The following SH3BP2 variants were observed in gnomAD, a reference collection of about 807,000 sequenced individuals.
SH3BP2 encodes the protein SH3 domain binding protein 2.
In SH3BP2, 38 loss-of-function variants were observed where a neutral mutation model predicts 56.2. The observed-to-expected ratio is 0.68, with a 90% CI of 0.52 to 0.89. SH3BP2 has a LOEUF of 0.89. Ranked by LOEUF, SH3BP2 falls within the 40% of genes least tolerant of loss-of-function variation. SH3BP2 has a pLI of 0.00. For synonymous variants in SH3BP2, 346 were observed against 316.7 expected (o/e 1.09, Z -0.98); for missense variants, 748 against 762.6 (o/e 0.98, Z 0.23).
intron 2 of SH3BP2, 52 bp from the exon 3 acceptor site, chr4:2,822,883 C>G: frequency 6.9e-7 from 1 of 1,439,416 alleles, no homozygotes; most frequent in South Asian, 1.2e-5. Flanking sequence ...CACAGTGGGT[C>G]TTGGCAGCTG....
In SH3BP2 at chr4:2,831,544, C is replaced by T. The variant is rs759888641; in HGVS notation, c.1242-27C>T. The T allele has an allele frequency of 1.0e-5, 16 of 1,527,726 alleles. No individual in the cohort carries two copies. The highest frequency in any genetic ancestry group is 1.2e-5 in the Non-Finnish European group (14 of 1,123,944). 94.6% of individuals were successfully genotyped at this position (1,527,726 alleles called of 1,614,324 possible). On this transcript the variant is annotated intron_variant, in intron 8 of 12. Coordinates refer to ENST00000503393, the MANE Select transcript of SH3BP2 (RefSeq NM_001122681.2). The surrounding 1 kb of genome is among the most constrained non-coding windows in gnomAD (Gnocchi z 4.1). ...GCCCCGTGTCTGACAGTGAAATGGT[C>T]CTGCCTTCCTCTCCCTGCCCCTCCA...
chr4:2,811,095 G>C (rs1320868308), intron 1 of SH3BP2, among the ~76,000 whole-genome samples: 2 of 152,360 alleles, frequency 1.3e-5, no homozygotes, highest in East Asian at 3.9e-4. Context: ...AGACAGTGGG[G>C]TGTCTGCAGC....
intron 1 of SH3BP2, chr4:2,812,611 C>T (rs539857654): frequency 8.3e-7 from 1 of 1,198,510 alleles, no homozygotes; most frequent in Non-Finnish European, 1.2e-6. Flanking sequence ...GGAGGTGGCC[C>T]TGAGCCTGCA....
chr4:2,807,551 T>C (rs976902405), intron 1 of SH3BP2, among the ~76,000 whole-genome samples: 1 of 152,122 alleles, frequency 6.6e-6, no homozygotes, highest in Admixed American at 6.5e-5. Context: ...AGGTTCTAGA[T>C]GGTTCCATCC....
intron 4 of SH3BP2, 54 bp downstream of exon 4, chr4:2,824,784 G>A: frequency 1.5e-6 from 2 of 1,362,534 alleles, no homozygotes; most frequent in Non-Finnish European, 2.1e-6. Context: ...GGGCCTGCAG[G>A]CACCAGGCTG....
intron 1 of SH3BP2, chr4:2,809,721 C>A: frequency 1.1e-6 from 1 of 912,170 alleles, no homozygotes; most frequent in Non-Finnish European, 1.3e-6. Context: ...TGCCTTACTC[C>A]TGAGCGGGCT....
intron 2 of SH3BP2, among the ~76,000 whole-genome samples, chr4:2,822,270 C>T (rs759350851): frequency 6.6e-6 from 1 of 152,346 alleles, no homozygotes; most frequent in Non-Finnish European, 1.5e-5. Context: ...ATCCTCCCAC[C>T]TCAGCCTCCC....
intron 1 of SH3BP2, among the ~76,000 whole-genome samples, chr4:2,801,409 C>T (rs1392575976): frequency 1.3e-5 from 2 of 152,192 alleles, no homozygotes; most frequent in Non-Finnish European, 2.9e-5. Context: ...TTCCCCAACC[C>T]GGGGTCTGGC....
At chr4:2,802,092 A>T (rs543961111) in intron 1 of SH3BP2, among the ~76,000 whole-genome samples, 34 of 151,354 alleles carry the variant, frequency 2.2e-4, no homozygotes, top group Non-Finnish European at 4.3e-4. Context: ...TGGGTGACAG[A>T]GAGACCTGAT....
Position 2,796,387 on chromosome 4 carries a change from C to T in SH3BP2, c.-5+3249C>T, listed in dbSNP as rs1158068567. ...TCTTCTCCCCAGGCTCTGTAACTTC[C>T]AAGGCCATGAGAGTGGTCAGGCCCT... On this transcript the variant is annotated intron_variant, in intron 1 of 12. Transcript: ENST00000503393. The T allele has an allele frequency of 3.0e-5, 30 of 985,144 alleles. No individual in the cohort carries two copies. The Admixed American group carries it at 1.8e-3, about 61-fold the overall frequency. The allele number at this position is 985,144 out of a possible 1,614,324, so 61.0% of individuals were successfully genotyped here. A position where few individuals can be genotyped will look rare whatever the true frequency, so the allele number is the denominator to read the frequency against.
At chr4:2,832,472 G>T in intron 11 of SH3BP2, 60 bp downstream of exon 11, 1 of 1,301,524 alleles carries the variant, frequency 7.7e-7, no homozygotes, top group Non-Finnish European at 1.1e-6. Flanking sequence ...CCAGGCTGTG[G>T]GTGGGCCCAG....
At chr4:2,830,897 C>T (rs934820821) in intron 8 of SH3BP2, among the ~76,000 whole-genome samples, 1 of 152,228 alleles carries the variant, frequency 6.6e-6, no homozygotes, top group Admixed American at 6.5e-5. Flanking sequence ...CAGGGCTCTG[C>T]GAACACCTCT....
chr4:2,796,816 C>T (rs1219541517), intron 1 of SH3BP2, among the ~76,000 whole-genome samples: 2 of 152,236 alleles, frequency 1.3e-5, no homozygotes, highest in African/African-American at 4.8e-5. Flanking sequence ...GCAACAGCCT[C>T]AAGAAGGCAG....
At chr4:2,797,100 G>GT (rs894358696) in intron 1 of SH3BP2, among the ~76,000 whole-genome samples, 1 of 152,204 alleles carries the variant, frequency 6.6e-6, no homozygotes, top group Non-Finnish European at 1.5e-5. Flanking sequence ...ATCCAGGGGT[G>GT]TTGTAATCTA....
At chr4:2,794,207 C>G (rs892739819) in intron 1 of SH3BP2, 1 of 152,330 alleles carries the variant, frequency 6.6e-6, no homozygotes, top group Non-Finnish European at 1.5e-5. Context: ...TTTCCACAAC[C>G]GCCTGAAGGC....
At chr4:2,824,833 C>G in intron 4 of SH3BP2, 103 bp downstream of exon 4, 1 of 905,286 alleles carries the variant, frequency 1.1e-6, no homozygotes, top group Admixed American at 1.8e-5. Context: ...GGGCGCTGGC[C>G]TCTCAGCCCC....
chr4:2,822,937 C>G lies in SH3BP2; in HGVS notation c.139C>G (p.Pro47Ala). ...CCTGCCCTTGCCACCTCCCACAGGGCCCCTGCGCTTTGTCATCATCCACAA... is the reference window on the plus strand; with the variant it reads ...CCTGCCCTTGCCACCTCCCACAGGGGCCCTGCGCTTTGTCATCATCCACAA... ...GGTQLQLLKW[P>A]LRFVIIHKRC... Residue 47 changes from proline to alanine, a missense_variant and splice_region_variant, in exon 3 of 13, where the codon CCC becomes GCC. By Grantham distance (27) the Pro-to-Ala change is conservative. Around this residue, in one of 3 missense-constraint regions of SH3BP2, gnomAD observed 104 missense variants for 123.1 expected, o/e 0.84. Coordinates refer to ENST00000503393, the MANE Select transcript of SH3BP2 (RefSeq NM_001122681.2). The G allele has an allele frequency of 6.2e-7, 1 of 1,613,434 alleles. No individual in the cohort carries two copies. The highest frequency in any genetic ancestry group is 8.5e-7 in the Non-Finnish European group (1 of 1,179,504).
rs1724879548 is a variant in SH3BP2 at position 2,829,816 on chromosome 4, A to G, written c.910A>G (p.Ser304Gly). Reference protein sequence around the residue: ...PPCFRESASPSPEPWTPGHGA... With the variant: ...PPCFRESASPGPEPWTPGHGA... ...TTGCTTCCGGGAGAGTGCCAGCCCC[A>G]GCCCGGAGCCCTGGACCCCTGGCCA... Residue 304 changes from serine (S) to glycine (G), a missense_variant, in exon 8 of 13, where the codon AGC becomes GGC. Physicochemically the swap from Ser to Gly is moderately conservative, Grantham distance 56. This residue lies in a region of SH3BP2 where 635 missense variants were observed against 615.0 expected (regional missense o/e 1.03). Transcript: ENST00000503393. The surrounding 1 kb of genome is among the most constrained non-coding windows in gnomAD (Gnocchi z 4.9). The G allele has an allele frequency of 1.2e-6, 2 of 1,613,076 alleles. No individual in the cohort carries two copies. The highest frequency in any genetic ancestry group is 2.2e-5 in the South Asian group (2 of 91,072).
chr4:2,806,659 G>A (rs755932934), intron 1 of SH3BP2, among the ~76,000 whole-genome samples: 11 of 152,010 alleles, frequency 7.2e-5, no homozygotes, highest in South Asian at 2.1e-4. Context: ...CTGGAAGCCC[G>A]CCCTGGCCTC....
Sources: allele counts gnomAD v4.1 joint callset (sites outside exome capture counted in the v4.1 genomes callset), GRCh38; gene constraint gnomAD v4.1.1; regional missense constraint gnomAD v4.1.1; non-coding constraint Gnocchi (gnomAD v3.1); transcripts MANE v1.5; gene names NCBI Gene and HGNC (gene_info 2026-07-23, HGNC 2026-07-21).